The following MSRA variants were observed in gnomAD, a reference collection of about 807,000 sequenced individuals.
The protein encoded by MSRA is methionine sulfoxide reductase A.
MSRA carries 54 observed loss-of-function variants against 31.3 expected under a neutral mutation model. The ratio of observed to expected loss-of-function variants is 1.73; its 90% CI spans 1.39 to 2.17. MSRA has a LOEUF of 2.17. Ranked by LOEUF, MSRA falls within the 30% of genes most tolerant of loss-of-function variation. The pLI is 0.00. For missense variants in MSRA, 507 were observed against 300.9 expected (o/e 1.69, Z -5.07); for synonymous variants, 169 against 116.5 (o/e 1.45, Z -2.90).
chr8:10,417,138 G>C (rs1808509334), intron 5 of MSRA, among the ~76,000 whole-genome samples: 1 of 152,176 alleles, frequency 6.6e-6, no homozygotes, highest in Non-Finnish European at 1.5e-5. Flanking sequence ...AATGGACCAA[G>C]TTAGATCTAA....
At chr8:10,090,338 G>C (rs953598061) in intron 1 of MSRA, among the ~76,000 whole-genome samples, 4 of 152,178 alleles carry the variant, frequency 2.6e-5, no homozygotes, top group Admixed American at 2.6e-4. Context: ...AGTTGGCTGG[G>C]ATGGAACCAA....
At chr8:10,188,432 CAG>C (rs1308981189) in intron 1 of MSRA, among the ~76,000 whole-genome samples, 3 of 152,146 alleles carry the variant, frequency 2.0e-5, no homozygotes, top group Non-Finnish European at 2.9e-5. Flanking sequence ...GCAACAAAAA[CAG>C]AGGTGGATTT....
chr8:10,072,436 T>C (rs1314712930), intron 1 of MSRA, among the ~76,000 whole-genome samples: 2 of 152,222 alleles, frequency 1.3e-5, no homozygotes, highest in Non-Finnish European at 2.9e-5. Context: ...GGTCTGTTTC[T>C]GGGTCCTTAC....
chr8:10,327,542 C>T (rs1802430335), intron 5 of MSRA, among the ~76,000 whole-genome samples: 1 of 152,170 alleles, frequency 6.6e-6, no homozygotes, highest in African/African-American at 2.4e-5. Flanking sequence ...TTTAGTGACT[C>T]CCTAAGCTCT....
At chr8:10,324,755 G>A (rs1802265172) in intron 5 of MSRA, among the ~76,000 whole-genome samples, 2 of 152,206 alleles carry the variant, frequency 1.3e-5, no homozygotes, top group South Asian at 4.1e-4. Context: ...AGAGACTGGG[G>A]AGGAAAAGAA....
chr8:10,071,078 C>T (rs774123647), intron 1 of MSRA, among the ~76,000 whole-genome samples: 10 of 152,200 alleles, frequency 6.6e-5, no homozygotes, highest in Non-Finnish European at 1.2e-4. Flanking sequence ...AAGAAACTGC[C>T]AAACTGTTTC....
At chr8:10,221,650 G>C (rs1032129843) in intron 2 of MSRA, among the ~76,000 whole-genome samples, 3 of 152,146 alleles carry the variant, frequency 2.0e-5, no homozygotes, top group African/African-American at 7.2e-5. Context: ...TACTCCAGTA[G>C]GGTGGGACAG....
chr8:10,283,834 T>TACACACACACACAC (rs1481715144), intron 3 of MSRA, among the ~76,000 whole-genome samples: 179 of 71,054 alleles, frequency 2.5e-3, no homozygotes, highest in Non-Finnish European at 4.3e-3. Flanking sequence ...TATATATATA[T>TACACACACACACAC]ATACACACAC....
chr8:10,157,569 A>G (rs564989138), intron 1 of MSRA, among the ~76,000 whole-genome samples: 5 of 152,164 alleles, frequency 3.3e-5, no homozygotes, highest in South Asian at 2.1e-4. Context: ...TCTGTAGGCA[A>G]TGTTAGGGCT....
intron 1 of MSRA, among the ~76,000 whole-genome samples, chr8:10,137,634 A>G (rs960216061): frequency 2.0e-5 from 3 of 152,188 alleles, no homozygotes; most frequent in Admixed American, 1.3e-4. Context: ...TGGTTTTCAA[A>G]CTTGTCTAAA....
intron 5 of MSRA, among the ~76,000 whole-genome samples, chr8:10,397,596 G>C (rs1031757390): frequency 2.0e-5 from 3 of 152,326 alleles, no homozygotes; most frequent in South Asian, 4.1e-4. Flanking sequence ...CTTCATCCAC[G>C]ACGGTAGCTA....
At chr8:10,382,700 G>T (rs1471962866) in intron 5 of MSRA, among the ~76,000 whole-genome samples, 1 of 152,188 alleles carries the variant, frequency 6.6e-6, no homozygotes, top group Admixed American at 6.5e-5. Flanking sequence ...GAGGACAAAG[G>T]ACTCGAATGG....
At chr8:10,313,140 G>A (rs1222383080) in intron 4 of MSRA, among the ~76,000 whole-genome samples, 1 of 152,162 alleles carries the variant, frequency 6.6e-6, no homozygotes, top group African/African-American at 2.4e-5. Flanking sequence ...TCTGGCCAGT[G>A]GAATGAGGAA....
At chr8:10,271,862 G>C (rs1266647724) in intron 3 of MSRA, among the ~76,000 whole-genome samples, 1 of 151,984 alleles carries the variant, frequency 6.6e-6, no homozygotes, top group Non-Finnish European at 1.5e-5. Flanking sequence ...GGGATTATAG[G>C]CACGTGCTAC....
intron 3 of MSRA, among the ~76,000 whole-genome samples, chr8:10,254,043 A>C (rs1210701072): frequency 2.0e-5 from 3 of 151,234 alleles, no homozygotes; most frequent in African/African-American, 7.3e-5. Context: ...TCTGCCGGGG[A>C]CTCCTCAGCC....
chr8:10,304,579 G>C (rs1433840827), intron 4 of MSRA, among the ~76,000 whole-genome samples: 1 of 152,188 alleles, frequency 6.6e-6, no homozygotes, highest in Non-Finnish European at 1.5e-5. Context: ...TCCAAGGTCA[G>C]AATTTGAAGC....
At chr8:10,226,476 A>G (rs1296454008) in intron 2 of MSRA, among the ~76,000 whole-genome samples, 1 of 152,202 alleles carries the variant, frequency 6.6e-6, no homozygotes, top group Non-Finnish European at 1.5e-5. Context: ...GGATTGAGCT[A>G]GAGCTGAGAT....
At chr8:10,189,460 A>G (rs1807332512) in intron 1 of MSRA, among the ~76,000 whole-genome samples, 1 of 152,210 alleles carries the variant, frequency 6.6e-6, no homozygotes, top group Non-Finnish European at 1.5e-5. Flanking sequence ...GTTACCATAA[A>G]GTATGATGCA....
intron 5 of MSRA, among the ~76,000 whole-genome samples, chr8:10,367,179 T>G (rs1805215530): frequency 6.6e-6 from 1 of 152,178 alleles, no homozygotes; most frequent in African/African-American, 2.4e-5. Context: ...CTGTCTACAC[T>G]GCCTATCTGT....
Sources: gnomAD v4.1 joint callset for allele counts (sites outside exome capture counted in the v4.1 genomes callset) on GRCh38, gnomAD v4.1.1 for gene constraint, MANE v1.5 for transcripts, NCBI Gene and HGNC (gene_info 2026-07-23, HGNC 2026-07-21) for gene names.